STARD13: variants seen among roughly 807,000 people sequenced by gnomAD.
STARD13 encodes the protein StAR related lipid transfer domain containing 13, also known as stAR-related lipid transfer protein 13.
Under a neutral mutation model 106.4 loss-of-function variants are expected in STARD13, and 62 were observed. The observed-to-expected ratio is 0.58, with a 90% CI of 0.48 to 0.72. STARD13 has a LOEUF of 0.72. Ranked by LOEUF, STARD13 falls within the 30% of genes least tolerant of loss-of-function variation. The pLI is 0.00. For missense variants in STARD13, 1,387 were observed against 1,424.0 expected (o/e 0.97, Z 0.42); for synonymous variants, 565 against 553.0 (o/e 1.02, Z -0.31).
At position 33,144,690 on chromosome 13, in the gene STARD13, G is replaced by A. The variant is rs191384688; in HGVS notation, c.324-2317C>T. ...AGCCTGTCTCTTTGGTCTGTTCCAC[G>A]TGTGTTAGCATGTCTACCTAAGAGT... On this transcript the variant is annotated intron_variant, in intron 3 of 13. Coordinates refer to ENST00000336934, the MANE Select transcript of STARD13 (RefSeq NM_178006.4). Among the ~76,000 whole-genome samples the A allele has an allele frequency of 2.5e-4, 38 of 152,270 alleles. No homozygotes were observed. The East Asian group carries it at 6.4e-3, about 25-fold the overall frequency.
intron 1 of STARD13, among the ~76,000 whole-genome samples, chr13:33,327,767 T>C (rs1566141197): frequency 6.6e-6 from 1 of 152,258 alleles, no homozygotes; most frequent in Non-Finnish European, 1.5e-5. Context: ...AAATACATGG[T>C]AAAGGTGCTA....
At chr13:33,522,093 A>G in the STARD13 span, among the ~76,000 whole-genome samples, 1 of 152,166 alleles carries the variant, frequency 6.6e-6, no homozygotes. Flanking sequence ...GTAGAAGTTT[A>G]ATACTATTTA....
At chr13:33,140,845 G>A (rs923441560) in intron 4 of STARD13, among the ~76,000 whole-genome samples, 4 of 149,284 alleles carry the variant, frequency 2.7e-5, no homozygotes, top group African/African-American at 5.0e-5. Flanking sequence ...TGCAACCTCC[G>A]CCTCCCGGGT....
intron 3 of STARD13, among the ~76,000 whole-genome samples, chr13:33,150,144 G>A (rs1881081113): frequency 6.6e-6 from 1 of 152,178 alleles, no homozygotes; most frequent in Admixed American, 6.5e-5. Context: ...AGGCTCGGTA[G>A]GCTTTTCTTT....
chr13:33,583,258 T>C, the STARD13 span, among the ~76,000 whole-genome samples: 1 of 152,172 alleles, frequency 6.6e-6, no homozygotes, highest in Non-Finnish European at 1.5e-5. Context: ...AATCCAAACA[T>C]GGAACATAGA....
the STARD13 span, among the ~76,000 whole-genome samples, chr13:33,643,223 G>A: frequency 1.3e-4 from 19 of 148,400 alleles, no homozygotes; most frequent in African/African-American, 4.5e-4. Flanking sequence ...GGACTTTTAG[G>A]AAGAGCTTGA....
chr13:33,262,836 C>A (rs772133249), intron 1 of STARD13, among the ~76,000 whole-genome samples: 4 of 152,124 alleles, frequency 2.6e-5, no homozygotes, highest in Non-Finnish European at 5.9e-5. Flanking sequence ...ACTGCAGGAG[C>A]ACAATGTCCA....
At chr13:33,416,023 T>G in the STARD13 span, among the ~76,000 whole-genome samples, 1 of 152,200 alleles carries the variant, frequency 6.6e-6, no homozygotes, top group African/African-American at 2.4e-5. Flanking sequence ...GGTTGCAGTT[T>G]TCATTTGTAT....
chr13:33,428,709 G>A, the STARD13 span, among the ~76,000 whole-genome samples: 2 of 152,122 alleles, frequency 1.3e-5, no homozygotes, highest in Non-Finnish European at 2.9e-5. Context: ...AATTAACAAA[G>A]TGAAGAGCAA....
chr13:33,217,950 T>C (rs1888135933), intron 1 of STARD13, among the ~76,000 whole-genome samples: 2 of 151,024 alleles, frequency 1.3e-5, no homozygotes, highest in African/African-American at 2.5e-5. Flanking sequence ...ACTGAGTGTC[T>C]ACTTCATGGC....
chr13:33,300,476 C>T (rs183408327), intron 1 of STARD13, among the ~76,000 whole-genome samples: 1 of 152,276 alleles, frequency 6.6e-6, no homozygotes, highest in South Asian at 2.1e-4. Context: ...TCGCCAACTT[C>T]GTATGAATTA....
chr13:33,337,699 G>GATTT (rs1305942537), intron 1 of STARD13, among the ~76,000 whole-genome samples: 4 of 152,170 alleles, frequency 2.6e-5, no homozygotes, highest in African/African-American at 9.7e-5. Flanking sequence ...TCCTTTCAGT[G>GATTT]ATTTACACAT....
At chr13:33,637,471 G>T in the STARD13 span, among the ~76,000 whole-genome samples, 1 of 152,200 alleles carries the variant, frequency 6.6e-6, no homozygotes, top group Admixed American at 6.5e-5. Context: ...AACAGCCACA[G>T]GGTATGTTTT....
chr13:33,347,128 C>T (rs761439744), downstream of STARD13, among the ~76,000 whole-genome samples: 3 of 152,270 alleles, frequency 2.0e-5, no homozygotes, highest in East Asian at 1.9e-4. Context: ...CCTCTTGGGG[C>T]GTATTCATAT....
At position 33,126,206 on chromosome 13, in the gene STARD13, G is replaced by C; in HGVS notation, c.1957C>G (p.Pro653Ala). The part of the protein sequence containing the change: ...VPKFMKRMKV[P>A]DYKDKAVFGV... ...AAGACAGCCTTGTCTTTGTAGTCGGGAACTTTCATCCTCTTCATGAACTTT... is the reference window on the plus strand; with the variant it reads ...AAGACAGCCTTGTCTTTGTAGTCGGCAACTTTCATCCTCTTCATGAACTTT... Residue 653 changes from proline (P) to alanine (A), a missense_variant, in exon 7 of 14, where the codon CCC becomes GCC. Transcript: ENST00000336934. 1 of 1,614,160 alleles carries C rather than the reference G, an allele frequency of 6.2e-7. No individual in the cohort carries two copies. The highest frequency in any genetic ancestry group is 8.5e-7 in the Non-Finnish European group (1 of 1,180,040).
intron 1 of STARD13, among the ~76,000 whole-genome samples, chr13:33,318,357 T>C (rs981435061): frequency 6.6e-6 from 1 of 152,102 alleles, no homozygotes; most frequent in Admixed American, 6.6e-5. Flanking sequence ...CAGCAAACGG[T>C]TTTGGGGCAA....
At chr13:33,298,759 T>G (rs1594234830) in intron 1 of STARD13, among the ~76,000 whole-genome samples, 1 of 152,128 alleles carries the variant, frequency 6.6e-6, no homozygotes, top group Non-Finnish European at 1.5e-5. Context: ...GCAAACTAGT[T>G]GAATGAAGGA....
At chr13:33,178,098 T>C (rs2138433932) in intron 1 of STARD13, among the ~76,000 whole-genome samples, 1 of 152,324 alleles carries the variant, frequency 6.6e-6, no homozygotes, top group East Asian at 1.9e-4. Flanking sequence ...CAATATTTTG[T>C]TGGCATAACG....
intron 1 of STARD13, among the ~76,000 whole-genome samples, chr13:33,304,679 T>C (rs1892841061): frequency 6.6e-6 from 1 of 152,198 alleles, no homozygotes; most frequent in Non-Finnish European, 1.5e-5. Flanking sequence ...AATATAAAAA[T>C]TGATACATTT....
Sources: gnomAD v4.1 joint callset for allele counts (sites outside exome capture counted in the v4.1 genomes callset) on GRCh38, gnomAD v4.1.1 for gene constraint, MANE v1.5 for transcripts, NCBI Gene and HGNC (gene_info 2026-07-23, HGNC 2026-07-21) for gene names.